The following CELSR1 variants were observed in gnomAD, a reference collection of about 807,000 sequenced individuals.
CELSR1 encodes the protein cadherin EGF LAG seven-pass G-type receptor 1.
CELSR1 carries 110 observed loss-of-function variants against 249.1 expected under a neutral mutation model. That is an observed-to-expected ratio of 0.44 (90% CI 0.38 to 0.52). The LOEUF (loss-of-function observed/expected upper bound fraction) is 0.52. CELSR1 is among the 20% of genes least tolerant of loss of function. The pLI, the probability that CELSR1 is intolerant of heterozygous loss-of-function variation, is 0.00. For missense variants in CELSR1, 4,109 were observed against 4,296.4 expected (o/e 0.96, Z 1.22); for synonymous variants, 2,113 against 1,900.0 (o/e 1.11, Z -2.92).
intron 1 of CELSR1, among the ~76,000 whole-genome samples, chr22:46,486,122 G>A (rs533012663): frequency 4.6e-5 from 7 of 151,684 alleles, no homozygotes; most frequent in African/African-American, 1.7e-4. Context: ...TGTTTTTATA[G>A]TAGAGACGGG....
intron 2 of CELSR1, among the ~76,000 whole-genome samples, chr22:46,458,891 TTTTG>T (rs894734571): frequency 9.2e-5 from 14 of 152,168 alleles, no homozygotes; most frequent in Non-Finnish European, 1.8e-4. Flanking sequence ...TTAGGTTTTT[TTTTG>T]TTTGTGTTTT....
At chr22:46,426,774 G>T (rs1308524435) in intron 5 of CELSR1, among the ~76,000 whole-genome samples, 1 of 152,200 alleles carries the variant, frequency 6.6e-6, no homozygotes, top group Non-Finnish European at 1.5e-5. Flanking sequence ...GGGCCCATGG[G>T]AGTGGGTCCA....
Position 46,402,012 on chromosome 22 carries a change from C to T in CELSR1, c.5227-2110G>A, listed in dbSNP as rs954356389. 1.2e-4 allele frequency among the ~76,000 whole-genome samples: 18 copies of T among 151,956 alleles called. No homozygotes were observed. Among genetic ancestry groups the T allele is most frequent in the African/African-American group, 3.6e-4 (15 of 41,462 alleles). On this transcript the variant is annotated intron_variant, in intron 9 of 34. Coordinates refer to ENST00000674500, the MANE Select transcript of CELSR1 (RefSeq NM_001378328.1). This position sits in a 1 kb window ranked among gnomAD's most constrained non-coding sequence, Gnocchi z 5.0. ...CTGAGACAGGAGAATTGCTTGAACT[C>T]GGGAGGCGGAGGTAGCAGTGAACCG...
At chr22:46,522,469 G>A (rs1452870501) in intron 1 of CELSR1, among the ~76,000 whole-genome samples, 1 of 151,952 alleles carries the variant, frequency 6.6e-6, no homozygotes, top group Admixed American at 6.6e-5. Flanking sequence ...TGTGCTTATT[G>A]GCCACTTGTA....
rs1227365585 is a variant in CELSR1 at position 46,395,883 on chromosome 22, CCCAGAGA to C, written c.5843+715_5843+721del. 6.6e-6 allele frequency among the ~76,000 whole-genome samples: 1 copy of C among 152,202 alleles called. No individual in the cohort carries two copies. Among genetic ancestry groups the C allele is most frequent in the Non-Finnish European group, 1.5e-5 (1 of 68,044 alleles). Reference sequence around the variant, plus strand: ...CGTGCAAAGGGTACAGAGCCCAGAGCCCAGAGAGCACGCTGCTGCCTGTCCTAACCAC... The same window carrying C: ...CGTGCAAAGGGTACAGAGCCCAGAGCGCACGCTGCTGCCTGTCCTAACCAC... On this transcript the variant is annotated intron_variant, in intron 13 of 34. Transcript: ENST00000674500. The surrounding 1 kb of genome is among the most constrained non-coding windows in gnomAD (Gnocchi z 5.5).
In CELSR1 at chr22:46,434,768, G is replaced by A. The variant is rs1208614617; in HGVS notation, c.4523-1287C>T. Among the ~76,000 whole-genome samples, 1 of 152,134 alleles carries A rather than the reference G, an allele frequency of 6.6e-6. No individual in the cohort carries two copies. The highest frequency in any genetic ancestry group is 2.4e-5 in the African/African-American group (1 of 41,434). ...TCCCAGCACTTTGGGAGGCCAAGGTGGGCGGATCACTTGAGGTCAGGAGTT... is the reference window on the plus strand; with the variant it reads ...TCCCAGCACTTTGGGAGGCCAAGGTAGGCGGATCACTTGAGGTCAGGAGTT... On this transcript the variant is annotated intron_variant, in intron 4 of 34. Transcript: ENST00000674500. This position sits in a 1 kb window ranked among gnomAD's most constrained non-coding sequence, Gnocchi z 4.9.
rs2080741099 is a variant in CELSR1, at chr22:46,526,622, TCG to T, written c.3544+7003_3544+7004del. Among the ~76,000 whole-genome samples the T allele has an allele frequency of 6.6e-6, 1 of 152,088 alleles. No individual in the cohort carries two copies. Among genetic ancestry groups the T allele is most frequent in the Admixed American group, 6.5e-5 (1 of 15,274 alleles). ...ACGGCATCCATCACGGATGACCCCCTCGGAGACACTCGCCCTCCCTCAGCCTC... is the reference window on the plus strand; with the variant it reads ...ACGGCATCCATCACGGATGACCCCCTGAGACACTCGCCCTCCCTCAGCCTC... On this transcript the variant is annotated intron_variant, in intron 1 of 34. Transcript: ENST00000674500. This position sits in a 1 kb window ranked among gnomAD's most constrained non-coding sequence, Gnocchi z 4.7.
chr22:46,435,920 C>T (rs954375905), intron 4 of CELSR1, among the ~76,000 whole-genome samples: 1 of 151,498 alleles, frequency 6.6e-6, no homozygotes, highest in Admixed American at 6.6e-5. Flanking sequence ...AGGCTGGTCT[C>T]GATCTCGTGA....
chr22:46,493,799 T>C (rs1486253691), intron 1 of CELSR1, among the ~76,000 whole-genome samples: 2 of 152,150 alleles, frequency 1.3e-5, no homozygotes, highest in African/African-American at 4.8e-5. Context: ...CCATGTAAGA[T>C]GTGACTTTGA....
chr22:46,398,396 C>G lies in CELSR1; in HGVS notation c.5526+128G>C, dbSNP rs935147641. On this transcript the variant is annotated intron_variant, in intron 11 of 34. Transcript: ENST00000674500. The surrounding 1 kb of genome is among the most constrained non-coding windows in gnomAD (Gnocchi z 7.2). ...AACAGGAGCTGTTAAAGTGGGGATG[C>G]CTGTCAGACAAATTCTTCACTCGTT... 1 of 631,770 alleles carries G rather than the reference C, an allele frequency of 1.6e-6. No individual in the cohort carries two copies. Among genetic ancestry groups the G allele is most frequent in the Non-Finnish European group, 2.7e-6 (1 of 365,410 alleles). 39.1% of individuals were successfully genotyped at this position (631,770 alleles called of 1,614,324 possible).
rs377750556 is a variant in CELSR1, at chr22:46,369,163, G to C, written c.7952+16C>G. On this transcript the variant is annotated intron_variant, in intron 27 of 34. Coordinates refer to ENST00000674500, the MANE Select transcript of CELSR1 (RefSeq NM_001378328.1). ...CCAGCCGACATGGCTGGCCGGTCAG[G>C]TTCAGCCCCACTTACACGATCCCTT... 9 of 1,613,262 alleles carry C rather than the reference G, an allele frequency of 5.6e-6. No individual in the cohort carries two copies. The highest frequency in any genetic ancestry group is 7.6e-6 in the Non-Finnish European group (9 of 1,179,400).
At chr22:46,528,942 AT>A (rs1430270314) in intron 1 of CELSR1, among the ~76,000 whole-genome samples, 6 of 147,284 alleles carry the variant, frequency 4.1e-5, no homozygotes, top group African/African-American at 1.5e-4. Context: ...ATAAAATAAA[AT>A]AAAATAAAAT....
intron 2 of CELSR1, among the ~76,000 whole-genome samples, chr22:46,449,365 A>ACATC (rs150538879): frequency 3.6e-5 from 5 of 139,806 alleles, no homozygotes; most frequent in African/African-American, 1.5e-4. Context: ...CACCCATCAC[A>ACATC]CATCCATCCA....
chr22:46,516,217 C>A (rs987143460), intron 1 of CELSR1, among the ~76,000 whole-genome samples: 3 of 152,220 alleles, frequency 2.0e-5, no homozygotes, highest in Admixed American at 6.5e-5. Context: ...CAAATGTCCA[C>A]CAATGATAGA....
chr22:46,506,782 G>A lies in CELSR1; in HGVS notation c.3544+26845C>T, dbSNP rs1377333818. ...TGTGGACAGATGCTGAGATCTCTCC[G>A]GAAAGATGCCCGATAACAGGAAGCT... On this transcript the variant is annotated intron_variant, in intron 1 of 34. Coordinates refer to ENST00000674500, the MANE Select transcript of CELSR1 (RefSeq NM_001378328.1). The surrounding 1 kb of genome is among the most constrained non-coding windows in gnomAD (Gnocchi z 4.1). Among the ~76,000 whole-genome samples, 5 of 152,178 alleles carry A rather than the reference G, an allele frequency of 3.3e-5. No homozygotes were observed. Among genetic ancestry groups the A allele is most frequent in the African/African-American group, 4.8e-5 (2 of 41,440 alleles).
rs1206294814 is a variant in CELSR1, at chr22:46,381,367, A to AGTATC, written c.7089-417_7089-413dup. On this transcript the variant is annotated intron_variant, in intron 21 of 34. Coordinates refer to ENST00000674500, the MANE Select transcript of CELSR1 (RefSeq NM_001378328.1). The surrounding 1 kb of genome is among the most constrained non-coding windows in gnomAD (Gnocchi z 6.0). The stretch of plus-strand genomic sequence containing the variant: ...AACACGAGGATCCCAGAGCCAGGGA[A>AGTATC]GTATCTGGGAAATGGCAGGAAGAAG... 2.6e-5 allele frequency among the ~76,000 whole-genome samples: 4 copies of AGTATC among 151,898 alleles called. No homozygotes were observed. The highest frequency in any genetic ancestry group is 6.5e-5 in the Admixed American group (1 of 15,280).
At position 46,365,660 on chromosome 22, in the gene CELSR1, G is replaced by A. The variant is rs376857359; in HGVS notation, c.8330C>T (p.Ser2777Phe). ...GTGGCTGCCCCTCACCAGCCCAGAG[G>A]ACACGCCGAGCTTCTGGATCCCTTC... ...RDEGIQKLGV[S>F]SGLVRGSHGE... Residue 2777 changes from serine (S) to phenylalanine (F), a missense_variant, in exon 31 of 35, where the codon TCC (serine) becomes TTC (phenylalanine). Ser to Phe is a radical substitution (Grantham distance 155). Coordinates refer to ENST00000674500, the MANE Select transcript of CELSR1 (RefSeq NM_001378328.1). 5 of 1,584,778 alleles carry A rather than the reference G, an allele frequency of 3.2e-6. No individual in the cohort carries two copies. Among genetic ancestry groups the A allele is most frequent in the South Asian group, 1.2e-5 (1 of 86,728 alleles).
intron 1 of CELSR1, among the ~76,000 whole-genome samples, chr22:46,513,915 C>CCA (rs1555934905): frequency 5.9e-5 from 9 of 152,018 alleles, no homozygotes; most frequent in African/African-American, 2.2e-4. Flanking sequence ...GCCTCAGCCC[C>CCA]CCCCGAGTAG....
At chr22:46,531,127 G>A (rs1375622266) in intron 1 of CELSR1, among the ~76,000 whole-genome samples, 1 of 152,150 alleles carries the variant, frequency 6.6e-6, no homozygotes, top group East Asian at 1.9e-4. Flanking sequence ...AGTCAATAGT[G>A]ATTTACTTAT....
Sources: gnomAD v4.1 joint callset for allele counts (sites outside exome capture counted in the v4.1 genomes callset) on GRCh38, gnomAD v4.1.1 for gene constraint, Gnocchi (gnomAD v3.1) non-coding constraint, MANE v1.5 for transcripts, NCBI Gene and HGNC (gene_info 2026-07-23, HGNC 2026-07-21) for gene names.